Variants in HIVEP2 observed in about 807,000 individuals in gnomAD.
HIVEP2 encodes the protein HIVEP zinc finger 2, also known as transcription factor HIVEP2.
HIVEP2 carries 14 observed loss-of-function variants against 180.7 expected under a neutral mutation model. That is an observed-to-expected ratio of 0.08 (90% CI 0.05 to 0.12). The LOEUF is 0.12. Among genes scored for constraint, HIVEP2 ranks in the 10% least tolerant of loss-of-function variants. The pLI, the probability that HIVEP2 is intolerant of heterozygous loss-of-function variation, is 1.00. For missense variants in HIVEP2, 2,579 were observed against 3,008.5 expected (o/e 0.86, Z 3.34); for synonymous variants, 1,184 against 1,136.4 (o/e 1.04, Z -0.84).
chr6:142,824,367 A>G (rs1471590402), intron 2 of HIVEP2, among the ~76,000 whole-genome samples: 1 of 152,242 alleles, frequency 6.6e-6, no homozygotes, highest in East Asian at 1.9e-4. Context: ...AATGAGCCAG[A>G]AAATTATTCT....
At chr6:142,834,280 G>C (rs902835525) in intron 2 of HIVEP2, among the ~76,000 whole-genome samples, 11 of 152,220 alleles carry the variant, frequency 7.2e-5, no homozygotes, top group African/African-American at 2.4e-4. Context: ...ACAAAATATA[G>C]CAATTTCCAC....
chr6:142,798,236 T>C (rs976690638), intron 2 of HIVEP2, among the ~76,000 whole-genome samples: 4 of 151,180 alleles, frequency 2.6e-5, no homozygotes, highest in Non-Finnish European at 5.9e-5. Context: ...GCCACTGCAC[T>C]CCAGCCTGGG....
In HIVEP2 at chr6:142,771,599, C is replaced by T. The variant is rs1294245135; in HGVS notation, c.3140G>A (p.Arg1047Gln). Residue 1047 changes from arginine to glutamine, a missense_variant, in exon 5 of 10, where the codon CGG becomes CAG. This residue lies in a region of HIVEP2 where 523 missense variants were observed against 577.0 expected (regional missense o/e 0.91). Transcript: ENST00000367603. This position sits in a 1 kb window ranked among gnomAD's most constrained non-coding sequence, Gnocchi z 5.4. Reference sequence around the variant, plus strand: ...ATTCCCATAATCAAATGATTTGCTCCGAACTTCTGGGACTTCCGCTGGGTG... The same window carrying T: ...ATTCCCATAATCAAATGATTTGCTCTGAACTTCTGGGACTTCCGCTGGGTG... ...CPHPAEVPEV[R>Q]SKSFDYGNLS... 5 of 1,613,998 alleles carry T rather than the reference C, an allele frequency of 3.1e-6. No individual in the cohort carries two copies.
rs141574866 is a variant in HIVEP2 at position 142,854,260 on chromosome 6, C to T, written c.-640-17213G>A. Among the ~76,000 whole-genome samples, 765 of 152,140 alleles carry T rather than the reference C, an allele frequency of 5.0e-3. 1 individual carries two copies. The highest frequency in any genetic ancestry group is 7.8e-3 in the Non-Finnish European group (528 of 67,998). ...GAGTGGGAAGGGGTATGCTATTGTA[C>T]CCTGGTGGGTAGAGGCCAGGGATGC... On this transcript the variant is annotated intron_variant, in intron 1 of 9. Coordinates refer to ENST00000367603, the MANE Select transcript of HIVEP2 (RefSeq NM_006734.4).
chr6:142,870,990 A>G (rs535060769), intron 1 of HIVEP2, among the ~76,000 whole-genome samples: 1 of 152,238 alleles, frequency 6.6e-6, no homozygotes, highest in African/African-American at 2.4e-5. Context: ...TTGTACACCT[A>G]CTCTTCCCAA....
chr6:142,777,155 A>C (rs1483396011), intron 3 of HIVEP2, among the ~76,000 whole-genome samples: 1 of 152,200 alleles, frequency 6.6e-6, no homozygotes, highest in Non-Finnish European at 1.5e-5. Context: ...TTGACCTAGA[A>C]ATTCCACTGC....
At chr6:142,881,796 C>T (rs759237507) in intron 1 of HIVEP2, among the ~76,000 whole-genome samples, 7 of 152,188 alleles carry the variant, frequency 4.6e-5, no homozygotes, top group Non-Finnish European at 7.3e-5. Flanking sequence ...GTCTCATGCT[C>T]TATGAAAGTC....
At position 142,769,855 on chromosome 6, in the gene HIVEP2, G is replaced by C. The variant is rs1330168044; in HGVS notation, c.4884C>G (p.Asp1628Glu). The change falls in exon 5 of 10, where the codon GAC becomes GAG. Residue 1628 changes from aspartate to glutamate, a missense_variant. By Grantham distance (45) the Asp-to-Glu change is conservative (BLOSUM62 2). Transcript: ENST00000367603. ...GAAGAATCTGCTGGAAATCTGCCAT[G>C]TCCGTGAGAAGAAGAGTTGAGTCTG... ...NVADSTLLLTDMADFQQILQF... is the reference protein window; with the variant it reads ...NVADSTLLLTEMADFQQILQF... 8 of 1,614,176 alleles carry C rather than the reference G, an allele frequency of 5.0e-6. No homozygotes were observed. Among genetic ancestry groups the C allele is most frequent in the Non-Finnish European group, 6.8e-6 (8 of 1,180,038 alleles).
At position 142,762,452 on chromosome 6, in the gene HIVEP2, GCACACACACA is replaced by G. The variant is rs35168499; in HGVS notation, c.5519-897_5519-888del. Among the ~76,000 whole-genome samples, 351 of 144,142 alleles carry G rather than the reference GCACACACACA, an allele frequency of 2.4e-3. 2 individuals carry two copies. The highest frequency in any genetic ancestry group is 4.6e-3 in the Admixed American group (66 of 14,220). The allele number at this position is 144,142 out of a possible 152,430, so 94.6% of individuals were successfully genotyped here. A position where few individuals can be genotyped will look rare whatever the true frequency, so the allele number is the denominator to read the frequency against. On this transcript the variant is annotated intron_variant, in intron 7 of 9. Transcript: ENST00000367603. Reference sequence around the variant, plus strand: ...GTTGACCCAGGATCTACAGAAGAATGCACACACACACACACACACACACACACACACACAC... The same window carrying G: ...GTTGACCCAGGATCTACAGAAGAATGCACACACACACACACACACACACAC...
At chr6:142,769,143 C>T (rs1270115681) in intron 5 of HIVEP2, among the ~76,000 whole-genome samples, 3 of 152,184 alleles carry the variant, frequency 2.0e-5, no homozygotes, top group African/African-American at 4.8e-5. Context: ...CCTCCTTCTT[C>T]GTCTTTCCTT....
intron 2 of HIVEP2, among the ~76,000 whole-genome samples, chr6:142,821,640 G>T (rs1361827977): frequency 6.6e-6 from 1 of 152,196 alleles, no homozygotes; most frequent in Non-Finnish European, 1.5e-5. Flanking sequence ...GATATTTCAG[G>T]TATCTATTAG....
intron 1 of HIVEP2, among the ~76,000 whole-genome samples, chr6:142,937,111 C>G (rs144621816): frequency 2.5e-4 from 38 of 152,240 alleles, no homozygotes; most frequent in African/African-American, 8.9e-4. Context: ...TGATTTTCCA[C>G]AAAGAACCAG....
chr6:142,906,933 C>G (rs761883152), intron 1 of HIVEP2, among the ~76,000 whole-genome samples: 27 of 152,130 alleles, frequency 1.8e-4, no homozygotes, highest in Non-Finnish European at 3.8e-4. Flanking sequence ...AAATTAAAAA[C>G]TTGACAAAAA....
intron 1 of HIVEP2, among the ~76,000 whole-genome samples, chr6:142,901,829 C>G (rs1323353559): frequency 6.6e-6 from 1 of 152,262 alleles, no homozygotes; most frequent in Non-Finnish European, 1.5e-5. Context: ...TTAACCAGAA[C>G]AGCAAAACTG....
chr6:142,801,413 C>CAA (rs10569495), intron 2 of HIVEP2, among the ~76,000 whole-genome samples: 36 of 102,828 alleles, frequency 3.5e-4, no homozygotes, highest in African/African-American at 1.1e-3. Flanking sequence ...GACTCTGTCT[C>CAA]AAAAAAAAAA....
At chr6:142,803,598 A>ACACACACACACACAC (rs1252252380) in intron 2 of HIVEP2, among the ~76,000 whole-genome samples, 1 of 41,822 alleles carries the variant, frequency 2.4e-5, no homozygotes, top group African/African-American at 6.2e-5. Flanking sequence ...CACACACACA[A>ACACACACACACACAC]AACTCAGGAC....
intron 2 of HIVEP2, 146 bp from the exon 3 acceptor site, chr6:142,783,761 C>G (rs936712425): frequency 6.0e-5 from 9 of 150,012 alleles, no homozygotes; most frequent in African/African-American, 2.2e-4. Flanking sequence ...TTTTTTTTTG[C>G]CCCCAGGAAA....
intron 8 of HIVEP2, among the ~76,000 whole-genome samples, chr6:142,761,251 G>T (rs1486539752): frequency 6.6e-6 from 1 of 152,082 alleles, no homozygotes; most frequent in Admixed American, 6.5e-5. Flanking sequence ...TCAAAGTAAG[G>T]CCTTTTTTGC....
chr6:142,752,823 C>A lies in HIVEP2; in HGVS notation c.*284G>T. ...ATTCTAAAATATGTACAAATTACTGCTAAAAAATGCTTATAAGAATATAAG... is the reference window on the plus strand; with the variant it reads ...ATTCTAAAATATGTACAAATTACTGATAAAAAATGCTTATAAGAATATAAG... On this transcript the variant is annotated 3_prime_UTR_variant, in exon 10 of 10. Transcript: ENST00000367603. 1 of 300,306 alleles carries A rather than the reference C, an allele frequency of 3.3e-6. No homozygotes were observed. Among genetic ancestry groups the A allele is most frequent in the Non-Finnish European group, 6.2e-6 (1 of 161,810 alleles). 18.6% of individuals were successfully genotyped at this position (300,306 alleles called of 1,614,324 possible). A position where few individuals can be genotyped will look rare whatever the true frequency, so the allele number is the denominator to read the frequency against.
Sources: allele counts gnomAD v4.1 joint callset (sites outside exome capture counted in the v4.1 genomes callset), GRCh38; gene constraint gnomAD v4.1.1; regional missense constraint gnomAD v4.1.1; non-coding constraint Gnocchi (gnomAD v3.1); transcripts MANE v1.5; gene names NCBI Gene and HGNC (gene_info 2026-07-23, HGNC 2026-07-21).